IQCH: variants seen among roughly 807,000 people sequenced by gnomAD.
IQCH encodes IQ domain-containing protein H.
Under a neutral mutation model 117.0 loss-of-function variants are expected in IQCH, and 98 were observed. The observed-to-expected ratio is 0.84, with a 90% CI of 0.71 to 0.99. IQCH has a LOEUF of 0.99. Ranked by LOEUF, IQCH falls within the 50% of genes least tolerant of loss-of-function variation. The pLI is 0.00. For missense variants in IQCH, 1,102 were observed against 1,243.8 expected (o/e 0.89, Z 1.72); for synonymous variants, 412 against 448.2 (o/e 0.92, Z 1.02).
At chr15:67,341,463 T>C (rs1460645386) in intron 5 of IQCH, among the ~76,000 whole-genome samples, 1 of 152,018 alleles carries the variant, frequency 6.6e-6, no homozygotes. Flanking sequence ...ATAAATGAAC[T>C]AAAAAGAAAA....
At chr15:67,324,093 A>G (rs1393213511) in intron 4 of IQCH, among the ~76,000 whole-genome samples, 2 of 151,216 alleles carry the variant, frequency 1.3e-5, no homozygotes, top group Non-Finnish European at 2.9e-5. Flanking sequence ...ACAGGTACCC[A>G]CCACCAGGCC....
At chr15:67,409,361 T>C (rs2081385693) in intron 14 of IQCH, among the ~76,000 whole-genome samples, 1 of 152,138 alleles carries the variant, frequency 6.6e-6, no homozygotes, top group Non-Finnish European at 1.5e-5. Flanking sequence ...CACAGCCCCC[T>C]GTGGTGAGAG....
At chr15:67,373,286 C>A in intron 9 of IQCH, 81 bp from the exon 10 acceptor site, 1 of 850,948 alleles carries the variant, frequency 1.2e-6, no homozygotes, top group Non-Finnish European at 2.0e-6. Context: ...CTTAACTGTA[C>A]AGTGGAAAAA....
At chr15:67,499,122 C>A (rs2083906936) in intron 20 of IQCH, among the ~76,000 whole-genome samples, 1 of 151,744 alleles carries the variant, frequency 6.6e-6, no homozygotes, top group Non-Finnish European at 1.5e-5. Context: ...CAGAGTGAGA[C>A]CTCATCTCCA....
intron 1 of IQCH, among the ~76,000 whole-genome samples, chr15:67,255,788 C>G (rs1022159047): frequency 6.6e-6 from 1 of 152,218 alleles, no homozygotes; most frequent in Non-Finnish European, 1.5e-5. Flanking sequence ...TACCTCCCAT[C>G]TAGGAGAGAC....
intron 4 of IQCH, among the ~76,000 whole-genome samples, chr15:67,292,030 G>A (rs1299528196): frequency 6.6e-6 from 1 of 152,090 alleles, no homozygotes; most frequent in African/African-American, 2.4e-5. Flanking sequence ...GGAGTGCTTA[G>A]CTCATGAGAG....
At chr15:67,300,693 T>A (rs1261128732) in intron 4 of IQCH, among the ~76,000 whole-genome samples, 1 of 152,168 alleles carries the variant, frequency 6.6e-6, no homozygotes, top group Admixed American at 6.5e-5. Flanking sequence ...TTTTGATTAC[T>A]CTGTGTGGGA....
In IQCH at chr15:67,413,530, G is replaced by A. The variant is rs181198252; in HGVS notation, c.2098-3401G>A. 1.3e-5 allele frequency: 2 copies of A among 152,248 alleles called. No individual in the cohort carries two copies. The highest frequency in any genetic ancestry group is 3.9e-4 in the East Asian group (2 of 5,184). The allele number at this position is 152,248 out of a possible 1,614,324, so 9.4% of individuals were successfully genotyped here. On this transcript the variant is annotated intron_variant, in intron 14 of 20. Transcript: ENST00000335894. This position sits in a 1 kb window ranked among gnomAD's most constrained non-coding sequence, Gnocchi z 5.0. Reference sequence around the variant, plus strand: ...GAATATATGAGCTGCAGGTCCTGCTGTATTTTTTTGGTTTGTTTTGTAGGG... The same window carrying A: ...GAATATATGAGCTGCAGGTCCTGCTATATTTTTTTGGTTTGTTTTGTAGGG...
rs1970303329 is a variant in IQCH, at chr15:67,365,562, G to A, written c.753+5677G>A. On this transcript the variant is annotated intron_variant, in intron 8 of 20. Transcript: ENST00000335894. This position sits in a 1 kb window ranked among gnomAD's most constrained non-coding sequence, Gnocchi z 4.4. ...TGGGGTTTATATTTTAGTGAGAGAG[G>A]CAATAATCAGATATTTAATATAATA... Among the ~76,000 whole-genome samples the A allele has an allele frequency of 6.6e-6, 1 of 152,034 alleles. No homozygotes were observed. The highest frequency in any genetic ancestry group is 1.5e-5 in the Non-Finnish European group (1 of 68,024).
chr15:67,290,932 G>A (rs906116633), intron 4 of IQCH, among the ~76,000 whole-genome samples: 6 of 102,488 alleles, frequency 5.9e-5, no homozygotes, highest in Non-Finnish European at 1.4e-4. Context: ...TGTTTTTGGA[G>A]CACTGCTGGC....
chr15:67,378,024 G>A (rs535006754), intron 10 of IQCH, among the ~76,000 whole-genome samples: 1 of 152,170 alleles, frequency 6.6e-6, no homozygotes, highest in East Asian at 1.9e-4. Context: ...AGAAGCCTAC[G>A]AGAAAGGATA....
intron 4 of IQCH, among the ~76,000 whole-genome samples, chr15:67,308,355 G>A (rs1196185227): frequency 6.6e-6 from 1 of 152,162 alleles, no homozygotes; most frequent in East Asian, 1.9e-4. Context: ...ATTTCTTTGA[G>A]AGCAGTTTAA....
chr15:67,335,461 C>T (rs1356516764), intron 4 of IQCH, among the ~76,000 whole-genome samples: 1 of 152,126 alleles, frequency 6.6e-6, no homozygotes, highest in Non-Finnish European at 1.5e-5. Flanking sequence ...TCTCACTGAC[C>T]TTTATATCAA....
In IQCH at chr15:67,395,082, C is replaced by T. The variant is rs1971418891; in HGVS notation, c.1633-209C>T. Reference sequence around the variant, plus strand: ...GACGTGTAGTAATTAGTTCTATTCCCAGTGAGCCTATTTCCAACACACTAA... The same window carrying T: ...GACGTGTAGTAATTAGTTCTATTCCTAGTGAGCCTATTTCCAACACACTAA... On this transcript the variant is annotated intron_variant, in intron 12 of 20. Transcript: ENST00000335894. This position sits in a 1 kb window ranked among gnomAD's most constrained non-coding sequence, Gnocchi z 4.0. Among the ~76,000 whole-genome samples, 1 of 152,094 alleles carries T rather than the reference C, an allele frequency of 6.6e-6. No individual in the cohort carries two copies. The highest frequency in any genetic ancestry group is 2.1e-4 in the South Asian group (1 of 4,818).
chr15:67,351,926 G>A lies in IQCH; in HGVS notation c.638-5419G>A, dbSNP rs148654658. ...TTAAAAAAAAATCATTCTGACCATC[G>A]TTATCCATTTAGCATTTACTGTATT... On this transcript the variant is annotated intron_variant, in intron 6 of 20. Transcript: ENST00000335894. Among the ~76,000 whole-genome samples, 1,508 of 151,700 alleles carry A rather than the reference G, an allele frequency of 9.9e-3. 20 individuals carry two copies. Among genetic ancestry groups the A allele is most frequent in the African/African-American group, 0.03 (1,221 of 41,376 alleles).
chr15:67,465,891 A>G lies in IQCH; in HGVS notation c.2676+594A>G, dbSNP rs1458105120. 6.6e-6 allele frequency among the ~76,000 whole-genome samples: 1 copy of G among 152,104 alleles called. No individual in the cohort carries two copies. The highest frequency in any genetic ancestry group is 2.4e-5 in the African/African-American group (1 of 41,428). Reference sequence around the variant, plus strand: ...TAGTGTCTTAGTGTCGGCTTCCACCATCTCACACCTGTATTCCTCCTAAGA... The same window carrying G: ...TAGTGTCTTAGTGTCGGCTTCCACCGTCTCACACCTGTATTCCTCCTAAGA... On this transcript the variant is annotated intron_variant, in intron 17 of 20. Coordinates refer to ENST00000335894, the MANE Select transcript of IQCH (RefSeq NM_001031715.3). The surrounding 1 kb of genome is among the most constrained non-coding windows in gnomAD (Gnocchi z 5.9).
intron 8 of IQCH, among the ~76,000 whole-genome samples, chr15:67,363,821 C>A (rs553278419): frequency 1.1e-4 from 16 of 152,266 alleles, no homozygotes; most frequent in African/African-American, 3.8e-4. Context: ...GTTTTCTGTT[C>A]CTGTGTTATT....
intron 10 of IQCH, among the ~76,000 whole-genome samples, chr15:67,378,134 G>T (rs995435381): frequency 6.6e-6 from 1 of 152,074 alleles, no homozygotes. Flanking sequence ...CTTCTGCCAA[G>T]AGATAAAAGC....
At position 67,376,601 on chromosome 15, in the gene IQCH, G is replaced by C. The variant is rs1970744881; in HGVS notation, c.1372+3168G>C. Among the ~76,000 whole-genome samples, 1 of 152,200 alleles carries C rather than the reference G, an allele frequency of 6.6e-6. No individual in the cohort carries two copies. Among genetic ancestry groups the C allele is most frequent in the African/African-American group, 2.4e-5 (1 of 41,446 alleles). ...ACTTGTTTGAACCCTTCAAATGAAA[G>C]CTAAGTAGTTGATAACTGCATAATA... On this transcript the variant is annotated intron_variant, in intron 10 of 20. Transcript: ENST00000335894. This position sits in a 1 kb window ranked among gnomAD's most constrained non-coding sequence, Gnocchi z 5.0.
Sources: gnomAD v4.1 joint callset for allele counts (sites outside exome capture counted in the v4.1 genomes callset) on GRCh38, gnomAD v4.1.1 for gene constraint, Gnocchi (gnomAD v3.1) non-coding constraint, MANE v1.5 for transcripts, NCBI Gene and HGNC (gene_info 2026-07-23, HGNC 2026-07-21) for gene names.